The following CFAP46 variants were observed in gnomAD, a reference collection of about 807,000 sequenced individuals.
CFAP46 encodes cilia and flagella associated protein 46.
In CFAP46, 245 loss-of-function variants were observed where a neutral mutation model predicts 325.7. The ratio of observed to expected loss-of-function variants is 0.75; its 90% CI spans 0.68 to 0.84. The LOEUF is 0.84. CFAP46 is among the 40% of genes least tolerant of loss of function. The pLI is 0.00. For synonymous variants in CFAP46, 1,523 were observed against 1,495.9 expected (o/e 1.02, Z -0.42); for missense variants, 3,346 against 3,543.0 (o/e 0.94, Z 1.41).
intron 19 of CFAP46, among the ~76,000 whole-genome samples, chr10:132,912,343 GTCTCTTCTCCTC>G (rs1338315633): frequency 9.1e-6 from 1 of 109,974 alleles, no homozygotes; most frequent in Non-Finnish European, 1.8e-5. Flanking sequence ...TCTCTCTCCT[GTCTCTTCTCCTC>G]TCTTTCTCCT....
intron 44 of CFAP46, among the ~76,000 whole-genome samples, chr10:132,841,489 C>T (rs368567931): frequency 1.6e-4 from 25 of 152,190 alleles, no homozygotes; most frequent in Non-Finnish European, 2.8e-4. Flanking sequence ...TGAAGCTTCC[C>T]GAGCTGCCAG....
intron 40 of CFAP46, 32 bp from the exon 41 acceptor site, chr10:132,850,464 C>A: frequency 6.6e-7 from 1 of 1,513,142 alleles, no homozygotes. Context: ...ACAGCTGCCA[C>A]CCCAAGGGCA....
In CFAP46 at chr10:132,832,397, C is replaced by CA. The variant is rs1848163412; in HGVS notation, c.7117+960_7117+961insT. ...CCCCTGGGCTCTTCCTGCCCCCCCC[C>CA]CCCAATGCTGTGGCCTGGAAATTCC... is the stretch of plus-strand genomic sequence containing the variant. On this transcript the variant is annotated intron_variant, in intron 50 of 57. Transcript: ENST00000368586. The surrounding 1 kb of genome is among the most constrained non-coding windows in gnomAD (Gnocchi z 4.1). Among the ~76,000 whole-genome samples the CA allele has an allele frequency of 4.2e-5, 6 of 142,794 alleles. No individual in the cohort carries two copies. In the South Asian group the frequency reaches 1.0e-3, roughly 25 times the overall value. The allele number at this position is 142,794 out of a possible 152,430, so 93.7% of individuals were successfully genotyped here.
At position 132,924,805 on chromosome 10, in the gene CFAP46, C is replaced by G. The variant is rs1285009566; in HGVS notation, c.1147G>C (p.Val383Leu). Residue 383 changes from valine to leucine, a missense_variant, in exon 11 of 58, where the codon GTG becomes CTG. Physicochemically the swap from Val to Leu is conservative, Grantham distance 32. Transcript: ENST00000368586. ...RLGDPRVIHV[V>L]CATQWNTCLP... is the part of the protein sequence containing the mutation. ...CAGGTGTTCCACTGCGTGGCGCACA[C>G]CACGTGGATGACCCGGGGGTCGCCC... is the stretch of plus-strand genomic sequence containing the variant. 1 of 1,494,232 alleles carries G rather than the reference C, an allele frequency of 6.7e-7. No individual in the cohort carries two copies. Among genetic ancestry groups the G allele is most frequent in the Admixed American group, 2.4e-5 (1 of 41,574 alleles). 92.6% of individuals were successfully genotyped at this position (1,494,232 alleles called of 1,614,324 possible).
chr10:132,883,553 T>C (rs961898610), intron 27 of CFAP46, among the ~76,000 whole-genome samples: 1 of 152,194 alleles, frequency 6.6e-6, no homozygotes, highest in African/African-American at 2.4e-5. Flanking sequence ...TGGGAGACAA[T>C]CTGGCACTTC....
intron 44 of CFAP46, among the ~76,000 whole-genome samples, chr10:132,837,470 GAC>G (rs754696579): frequency 5.0e-4 from 62 of 124,864 alleles, no homozygotes; most frequent in Non-Finnish European, 7.9e-4. Flanking sequence ...GACATGCACA[GAC>G]ACACACATGC....
At chr10:132,834,830 C>A in intron 47 of CFAP46, 55 bp from the exon 48 acceptor site, 1 of 1,571,506 alleles carries the variant, frequency 6.4e-7, no homozygotes, top group Non-Finnish European at 8.6e-7. Context: ...TGGCCCAGAC[C>A]CCGCGAGGGC....
At chr10:132,932,227 A>ACTCCCCACACAGAGCCTGGGCCTTCCTC (rs1849920391) in intron 8 of CFAP46, among the ~76,000 whole-genome samples, 1 of 72,030 alleles carries the variant, frequency 1.4e-5, no homozygotes, top group African/African-American at 6.9e-5. Flanking sequence ...GTCTCCCTAC[A>ACTCCCCACACAGAGCCTGGGCCTTCCTC]CTCCCCACAC....
In CFAP46 at chr10:132,919,569, G is replaced by A; in HGVS notation, c.1731-127C>T. 3.1e-6 allele frequency: 4 copies of A among 1,273,728 alleles called. No individual in the cohort carries two copies. The highest frequency in any genetic ancestry group is 4.2e-6 in the Non-Finnish European group (4 of 944,600). 78.9% of individuals were successfully genotyped at this position (1,273,728 alleles called of 1,614,324 possible). A position where few individuals can be genotyped will look rare whatever the true frequency, so the allele number is the denominator to read the frequency against. On this transcript the variant is annotated intron_variant, in intron 14 of 57. Coordinates refer to ENST00000368586, the MANE Select transcript of CFAP46 (RefSeq NM_001200049.3). This position sits in a 1 kb window ranked among gnomAD's most constrained non-coding sequence, Gnocchi z 9.7. Reference sequence around the variant, plus strand: ...CTCTGCAGTTTCAAGGTGGCAAGGAGCCCGGCACTCGCGCTGGGTACGGCC... The same window carrying A: ...CTCTGCAGTTTCAAGGTGGCAAGGAACCCGGCACTCGCGCTGGGTACGGCC...
At chr10:132,873,547 C>T (rs1217196871) in intron 31 of CFAP46, among the ~76,000 whole-genome samples, 5 of 152,154 alleles carry the variant, frequency 3.3e-5, no homozygotes, top group East Asian at 1.9e-4. Flanking sequence ...CATGGTGCTC[C>T]GCATCGTGCT....
At chr10:132,923,911 A>C (rs1591093918) in intron 11 of CFAP46, among the ~76,000 whole-genome samples, 1 of 152,254 alleles carries the variant, frequency 6.6e-6, no homozygotes, top group Non-Finnish European at 1.5e-5. Context: ...CCAATAGAGA[A>C]AACTAAATAG....
rs890175401 is a variant in CFAP46, at chr10:132,885,923, T to C, written c.3341A>G (p.Tyr1114Cys). ...EDDLALRAAL[Y>C]GLLFHSHADQ... ...GGCATGGCTGTGGAAGAGCAGGCCG[T>C]AGAGCGCAGCACGGAGCGCCAGGTC... The change falls in exon 26 of 58, where the codon TAC (tyrosine) becomes TGC (cysteine). Residue 1114 changes from tyrosine to cysteine, a missense_variant. Physicochemically the swap from Tyr to Cys is radical, Grantham distance 194 (BLOSUM62 -2). Transcript: ENST00000368586. 1.9e-5 allele frequency: 29 copies of C among 1,550,084 alleles called. No homozygotes were observed. In the Middle Eastern group the frequency reaches 5.0e-4, roughly 27 times the overall value.
At chr10:132,874,761 ACTTC>A (rs1328305782) in intron 31 of CFAP46, among the ~76,000 whole-genome samples, 1 of 151,728 alleles carries the variant, frequency 6.6e-6, no homozygotes, top group African/African-American at 2.4e-5. Flanking sequence ...ATAGAAATAA[ACTTC>A]CTTCATCAAT....
At chr10:132,897,436 G>T (rs963567549) in intron 24 of CFAP46, among the ~76,000 whole-genome samples, 1 of 152,210 alleles carries the variant, frequency 6.6e-6, no homozygotes, top group African/African-American at 2.4e-5. Flanking sequence ...CTCACTGTCC[G>T]TGGGCTCTCC....
In CFAP46 at chr10:132,908,532, T is replaced by C; in HGVS notation, c.2860A>G (p.Thr954Ala). 1 of 1,550,516 alleles carries C rather than the reference T, an allele frequency of 6.4e-7. No homozygotes were observed. The highest frequency in any genetic ancestry group is 8.7e-7 in the Non-Finnish European group (1 of 1,146,970). Residue 954 changes from threonine to alanine, a missense_variant, in exon 22 of 58, where the codon ACC (threonine) becomes GCC (alanine). Thr to Ala is a moderately conservative substitution (Grantham distance 58, BLOSUM62 0). Transcript: ENST00000368586. ...HFAHAARDHE[T>A]TMACAHRALE... ...GCCCTGTGAGCACAGGCCATGGTGGTCTCATGGTCACGCGCTGCATGGGCG... is the reference window on the plus strand; with the variant it reads ...GCCCTGTGAGCACAGGCCATGGTGGCCTCATGGTCACGCGCTGCATGGGCG...
chr10:132,915,741 C>G (rs1849628254), intron 17 of CFAP46, among the ~76,000 whole-genome samples: 1 of 152,232 alleles, frequency 6.6e-6, no homozygotes, highest in Non-Finnish European at 1.5e-5. Flanking sequence ...TTCCCGTGTC[C>G]TATGCACGGC....
chr10:132,905,252 C>T (rs957934073), intron 22 of CFAP46, among the ~76,000 whole-genome samples: 1 of 152,066 alleles, frequency 6.6e-6, no homozygotes, highest in Admixed American at 6.5e-5. Flanking sequence ...CTTGGTTTCC[C>T]GGACTCTCTA....
At chr10:132,824,031 CTGATGTGT>C (rs1847967993) in intron 50 of CFAP46, among the ~76,000 whole-genome samples, 1 of 100,128 alleles carries the variant, frequency 1.0e-5, no homozygotes, top group African/African-American at 4.3e-5. Flanking sequence ...TGTGTGAGTG[CTGATGTGT>C]GCTGATGTGT....
intron 56 of CFAP46, 30 bp from the exon 57 acceptor site, chr10:132,810,519 A>G (rs2134743132): frequency 1.9e-6 from 3 of 1,596,176 alleles, no homozygotes; most frequent in East Asian, 2.2e-5. Context: ...TCAGGAGGGC[A>G]TGGACACCCT....
Sources: gnomAD v4.1 joint callset for allele counts (sites outside exome capture counted in the v4.1 genomes callset) on GRCh38, gnomAD v4.1.1 for gene constraint, Gnocchi (gnomAD v3.1) non-coding constraint, MANE v1.5 for transcripts, NCBI Gene and HGNC (gene_info 2026-07-23, HGNC 2026-07-21) for gene names.